SOS2: variants seen among roughly 807,000 people sequenced by gnomAD.
SOS2 encodes the protein son of sevenless homolog 2.
SOS2 carries 65 observed loss-of-function variants against 148.2 expected under a neutral mutation model. The observed-to-expected ratio is 0.44, with a 90% CI of 0.36 to 0.54. The LOEUF is 0.54. Ranked by LOEUF, SOS2 falls within the 20% of genes least tolerant of loss-of-function variation. The pLI, the probability that SOS2 is intolerant of heterozygous loss-of-function variation, is 0.00. For missense variants in SOS2, 1,341 were observed against 1,590.2 expected (o/e 0.84, Z 2.67); for synonymous variants, 539 against 537.1 (o/e 1.00, Z -0.05).
At chr14:50,206,897 T>G (rs1423208258) in intron 1 of SOS2, among the ~76,000 whole-genome samples, 1 of 152,168 alleles carries the variant, frequency 6.6e-6, no homozygotes, top group Non-Finnish European at 1.5e-5. Context: ...ACTGTAGCCT[T>G]GACCTCAAGC....
At chr14:50,190,933 G>C (rs1886112404) in intron 4 of SOS2, among the ~76,000 whole-genome samples, 1 of 152,128 alleles carries the variant, frequency 6.6e-6, no homozygotes, top group South Asian at 2.1e-4. Flanking sequence ...GAAGACATAA[G>C]ACATAAAAAC....
intron 4 of SOS2, among the ~76,000 whole-genome samples, chr14:50,191,230 C>T (rs1229600684): frequency 1.3e-5 from 2 of 151,940 alleles, no homozygotes; most frequent in East Asian, 1.9e-4. Flanking sequence ...TTTGGGAGGC[C>T]GAGGCAGGAG....
At chr14:50,183,387 C>CAA in intron 5 of SOS2, among the ~76,000 whole-genome samples, 1 of 131,020 alleles carries the variant, frequency 7.6e-6, no homozygotes, top group African/African-American at 2.8e-5. Flanking sequence ...CTTGCTTGTA[C>CAA]AAAAAAAAAA....
At chr14:50,133,241 TC>T (rs1375491244) in intron 19 of SOS2, among the ~76,000 whole-genome samples, 43 of 95,624 alleles carry the variant, frequency 4.5e-4, no homozygotes, top group African/African-American at 7.8e-4. Context: ...TTTTCTTTTT[TC>T]TTTTTTCTTT....
intron 21 of SOS2, among the ~76,000 whole-genome samples, chr14:50,123,016 T>C (rs1883569887): frequency 6.6e-6 from 1 of 152,016 alleles, no homozygotes; most frequent in Non-Finnish European, 1.5e-5. Flanking sequence ...TAGGGAAAGA[T>C]AAGTAAAAGT....
chr14:50,182,549 A>G lies in SOS2; in HGVS notation c.772T>C (p.Leu258=). Residue 258 remains leucine, a synonymous_variant, in exon 6 of 23, where the codon TTA becomes CTA. Transcript: ENST00000216373. ...SDIHELTVKL[L]GLIEDTVEMT... ...TCAACTGTGTCTTCAATCAAACCTAAAAGTTTCACAGTCAATTCATGTATA... is the reference window on the plus strand; with the variant it reads ...TCAACTGTGTCTTCAATCAAACCTAGAAGTTTCACAGTCAATTCATGTATA... 1 of 1,609,278 alleles carries G rather than the reference A, an allele frequency of 6.2e-7. No homozygotes were observed. The highest frequency in any genetic ancestry group is 8.5e-7 in the Non-Finnish European group (1 of 1,175,564).
rs1884098432 is a variant in SOS2 at position 50,136,828 on chromosome 14, G to A, written c.2958+1784C>T. On this transcript the variant is annotated intron_variant, in intron 18 of 22. Coordinates refer to ENST00000216373, the MANE Select transcript of SOS2 (RefSeq NM_006939.4). ...TGGTCTTGAACTCCTGACCTCAGGT[G>A]ATCCACCCACCTCAGCCTCTCAAAG... Among the ~76,000 whole-genome samples, 10 of 152,100 alleles carry A rather than the reference G, an allele frequency of 6.6e-5. 1 individual carries two copies. In the South Asian group the frequency reaches 2.1e-3, roughly 32 times the overall value.
intron 7 of SOS2, among the ~76,000 whole-genome samples, chr14:50,176,056 G>A (rs1428307247): frequency 6.6e-6 from 1 of 152,164 alleles, no homozygotes; most frequent in Non-Finnish European, 1.5e-5. Context: ...TTAAGAGATG[G>A]GGCCTTTAGG....
intron 1 of SOS2, among the ~76,000 whole-genome samples, chr14:50,217,295 C>G (rs1887063891): frequency 6.6e-6 from 1 of 152,010 alleles, no homozygotes; most frequent in Non-Finnish European, 1.5e-5. Context: ...AATTATCACA[C>G]CATATATAAA....
rs944501869 is a variant in SOS2 at position 50,118,067 on chromosome 14, T to G, written c.*277A>C. 3.0e-6 allele frequency: 1 copy of G among 331,986 alleles called. No homozygotes were observed. The highest frequency in any genetic ancestry group is 2.1e-5 in the African/African-American group (1 of 46,722). The allele number at this position is 331,986 out of a possible 1,614,324, so 20.6% of individuals were successfully genotyped here. A position where few individuals can be genotyped will look rare whatever the true frequency, so the allele number is the denominator to read the frequency against. On this transcript the variant is annotated 3_prime_UTR_variant, in exon 23 of 23. Transcript: ENST00000216373. ...GCAATCATGTCACTTTAAACCATAT[T>G]TTTGCAGAGTTTACAGTGCAAATAT...
chr14:50,231,289 C>T lies in SOS2; in HGVS notation c.-6G>A, dbSNP rs1418530489. 6 of 1,417,752 alleles carry T rather than the reference C, an allele frequency of 4.2e-6. No homozygotes were observed. Among genetic ancestry groups the T allele is most frequent in the Non-Finnish European group, 9.4e-7 (1 of 1,066,432 alleles). 87.8% of individuals were successfully genotyped at this position (1,417,752 alleles called of 1,614,324 possible). A position where few individuals can be genotyped will look rare whatever the true frequency, so the allele number is the denominator to read the frequency against. ...GGCTGCGGCGCCTGCTGCATGGCCCCGGCGACAGCGCCTCCGCATCGGGGG... is the reference window on the plus strand; with the variant it reads ...GGCTGCGGCGCCTGCTGCATGGCCCTGGCGACAGCGCCTCCGCATCGGGGG... On this transcript the variant is annotated 5_prime_UTR_variant, in exon 1 of 23. Coordinates refer to ENST00000216373, the MANE Select transcript of SOS2 (RefSeq NM_006939.4).
intron 14 of SOS2, among the ~76,000 whole-genome samples, chr14:50,145,887 C>T (rs761922911): frequency 4.8e-4 from 73 of 152,142 alleles, no homozygotes; most frequent in Non-Finnish European, 7.5e-4. Flanking sequence ...GTAATCCCAG[C>T]GCTTTGGGAG....
At chr14:50,192,582 G>C (rs1421854736) in intron 4 of SOS2, among the ~76,000 whole-genome samples, 2 of 151,558 alleles carry the variant, frequency 1.3e-5, no homozygotes, top group Non-Finnish European at 2.9e-5. Flanking sequence ...CAAAAACAAA[G>C]GCCAGGCGCA....
Position 50,190,072 on chromosome 14 carries a change from C to A in SOS2, c.511-1372G>T, listed in dbSNP as rs1056615833. Among the ~76,000 whole-genome samples the A allele has an allele frequency of 1.3e-5, 2 of 151,804 alleles. 1 individual carries two copies. The highest frequency in any genetic ancestry group is 4.2e-4 in the South Asian group (2 of 4,816). On this transcript the variant is annotated intron_variant, in intron 4 of 22. Transcript: ENST00000216373. ...TTCACCATGTTATTCAGGCTGGTCT[C>A]GAGCTTCTGACTTCAAGTGATCCAC...
At chr14:50,224,135 A>C (rs1436435373) in intron 1 of SOS2, among the ~76,000 whole-genome samples, 1 of 151,494 alleles carries the variant, frequency 6.6e-6, no homozygotes, top group Non-Finnish European at 1.5e-5. Context: ...ATATAAAAAA[A>C]AAAAAATTAA....
At chr14:50,230,269 C>A (rs1360927965) in intron 1 of SOS2, among the ~76,000 whole-genome samples, 1 of 151,896 alleles carries the variant, frequency 6.6e-6, no homozygotes, top group Admixed American at 6.6e-5. Flanking sequence ...AGAATGTATT[C>A]TTGGTTATTT....
chr14:50,231,111 A>T, intron 1 of SOS2, 86 bp downstream of exon 1: 1 of 793,474 alleles, frequency 1.3e-6, no homozygotes, highest in Non-Finnish European at 1.7e-6. Context: ...CGGGGACTCG[A>T]GCCCTGTGGG....
intron 5 of SOS2, among the ~76,000 whole-genome samples, chr14:50,185,366 G>A (rs185801662): frequency 9.8e-5 from 15 of 152,286 alleles, no homozygotes; most frequent in South Asian, 2.1e-4. Flanking sequence ...CCTCACATAC[G>A]TTGTCACAGA....
chr14:50,139,557 A>G (rs1260109055), intron 17 of SOS2, among the ~76,000 whole-genome samples: 1 of 152,226 alleles, frequency 6.6e-6, no homozygotes, highest in Admixed American at 6.5e-5. Context: ...AAATCATTCA[A>G]TTTCAATCAT....
Sources: allele counts gnomAD v4.1 joint callset (sites outside exome capture counted in the v4.1 genomes callset), GRCh38; gene constraint gnomAD v4.1.1; transcripts MANE v1.5; gene names NCBI Gene and HGNC (gene_info 2026-07-23, HGNC 2026-07-21).